Variants in TOX observed in about 807,000 individuals in gnomAD.
TOX encodes thymocyte selection associated high mobility group box.
In TOX, 11 loss-of-function variants were observed where a neutral mutation model predicts 53.7. The ratio of observed to expected loss-of-function variants is 0.20; its 90% confidence interval spans 0.13 to 0.34. The LOEUF (loss-of-function observed/expected upper bound fraction) is 0.34. TOX is among the 10% of genes least tolerant of loss of function. TOX has a pLI of 1.00. For synonymous variants in TOX, 225 were observed against 245.3 expected (o/e 0.92, Z 0.77); for missense variants, 570 against 664.6 (o/e 0.86, Z 1.56).
chr8:59,080,854 A>AT, intron 1 of TOX, among the ~76,000 whole-genome samples: 1 of 152,306 alleles, frequency 6.6e-6, no homozygotes, highest in South Asian at 2.1e-4. Flanking sequence ...AACTGGGCCA[A>AT]TTAAACCTCT....
intron 1 of TOX, among the ~76,000 whole-genome samples, chr8:59,015,060 A>C (rs931255281): frequency 2.0e-5 from 3 of 152,336 alleles, no homozygotes; most frequent in African/African-American, 7.2e-5. Context: ...ATCTGAGAGG[A>C]TCAACCCCCT....
intron 1 of TOX, among the ~76,000 whole-genome samples, chr8:59,036,392 T>C (rs1814459063): frequency 6.6e-6 from 1 of 152,220 alleles, no homozygotes; most frequent in Non-Finnish European, 1.5e-5. Flanking sequence ...CTCTCATCCC[T>C]GCAACGGCCT....
At chr8:58,962,510 C>A (rs10957073) in intron 1 of TOX, among the ~76,000 whole-genome samples, 2 of 151,954 alleles carry the variant, frequency 1.3e-5, no homozygotes, top group Non-Finnish European at 2.9e-5. Flanking sequence ...GATGCAAACC[C>A]AGGACCCCTG....
At chr8:59,083,607 T>G (rs1423783895) in intron 1 of TOX, among the ~76,000 whole-genome samples, 1 of 152,164 alleles carries the variant, frequency 6.6e-6, no homozygotes, top group Non-Finnish European at 1.5e-5. Context: ...AAAAAAACAA[T>G]TGAACCCTGC....
At chr8:59,042,336 C>T (rs1274338067) in intron 1 of TOX, among the ~76,000 whole-genome samples, 3 of 152,124 alleles carry the variant, frequency 2.0e-5, no homozygotes, top group Non-Finnish European at 4.4e-5. Context: ...AGTCAGAACG[C>T]CATTTCAGAG....
intron 2 of TOX, among the ~76,000 whole-genome samples, chr8:58,947,496 A>T (rs1585917883): frequency 6.6e-6 from 1 of 152,350 alleles, no homozygotes; most frequent in East Asian, 1.9e-4. Flanking sequence ...ATAAACAAAG[A>T]TAAAAATGTT....
intron 3 of TOX, among the ~76,000 whole-genome samples, chr8:58,898,789 C>T (rs573499574): frequency 6.6e-6 from 1 of 152,268 alleles, no homozygotes; most frequent in Admixed American, 6.5e-5. Context: ...AGGAGGTCAA[C>T]CCCTTCTGTG....
intron 1 of TOX, among the ~76,000 whole-genome samples, chr8:59,020,919 C>A (rs1814114088): frequency 6.6e-6 from 1 of 151,718 alleles, no homozygotes; most frequent in Admixed American, 6.6e-5. Flanking sequence ...AGAGTTCCAG[C>A]CTGAGCAACA....
At chr8:58,953,066 A>T (rs1250913167) in intron 2 of TOX, among the ~76,000 whole-genome samples, 2 of 152,136 alleles carry the variant, frequency 1.3e-5, no homozygotes, top group East Asian at 3.9e-4. Context: ...TTAGGAATTC[A>T]TATTTTCATG....
chr8:59,039,530 C>A (rs1261600715), intron 1 of TOX, among the ~76,000 whole-genome samples: 1 of 152,158 alleles, frequency 6.6e-6, no homozygotes, highest in East Asian at 1.9e-4. Flanking sequence ...TTTCCCTATG[C>A]TCAATGCATT....
chr8:58,907,594 C>CA lies in TOX; in HGVS notation c.411+31707dup, dbSNP rs368433881. On this transcript the variant is annotated intron_variant, in intron 3 of 8. Coordinates refer to ENST00000361421, the MANE Select transcript of TOX (RefSeq NM_014729.3). Reference sequence around the variant, plus strand: ...TGTGCGACAGAGGAAGAGCCTGTCTCAAAAAAAAAAGTGAATTAGCTTAAA... The same window carrying CA: ...TGTGCGACAGAGGAAGAGCCTGTCTCAAAAAAAAAAAGTGAATTAGCTTAAA... Among the ~76,000 whole-genome samples, 573 of 146,096 alleles carry CA rather than the reference C, an allele frequency of 3.9e-3. 2 individuals are homozygous for CA. The highest frequency in any genetic ancestry group is 9.7e-3 in the African/African-American group (387 of 39,838).
intron 1 of TOX, among the ~76,000 whole-genome samples, chr8:59,071,675 C>CTAAAGGTAAACATAGGTTCATAGG (rs1563437157): frequency 6.6e-6 from 1 of 152,092 alleles, no homozygotes; most frequent in Admixed American, 6.5e-5. Flanking sequence ...GAAAGGAAGC[C>CTAAAGGTAAACATAGGTTCATAGG]TAAACAATTT....
rs73684664 is a variant in TOX, at chr8:58,807,809, C to T, written c.1545-26G>A. ...CTGTAGGAAGAGAAAAAAGACAGTT[C>T]CTTGTTACAGGACAACCTGTGCTAC... On this transcript the variant is annotated intron_variant, in intron 8 of 8. Transcript: ENST00000361421. The T allele has an allele frequency of 6.4e-4, 1,034 of 1,613,894 alleles. 10 individuals are homozygous for T. The African/African-American group carries it at 0.012, about 19-fold the overall frequency.
At chr8:58,846,280 C>A (rs757326860) in intron 4 of TOX, among the ~76,000 whole-genome samples, 1 of 151,998 alleles carries the variant, frequency 6.6e-6, no homozygotes, top group Non-Finnish European at 1.5e-5. Flanking sequence ...TGATCTAATA[C>A]ATACTTTAAA....
chr8:58,912,655 G>GC (rs1266645524), intron 3 of TOX, among the ~76,000 whole-genome samples: 1 of 152,160 alleles, frequency 6.6e-6, no homozygotes, highest in Non-Finnish European at 1.5e-5. Flanking sequence ...TGCTGATGCT[G>GC]CCCCTCTGTG....
chr8:59,035,980 A>T (rs1356341146), intron 1 of TOX, among the ~76,000 whole-genome samples: 1 of 152,078 alleles, frequency 6.6e-6, no homozygotes, highest in African/African-American at 2.4e-5. Flanking sequence ...AAGTCATGTA[A>T]CTCCCCTTGA....
chr8:58,827,006 T>C, intron 5 of TOX, 104 bp from the exon 6 acceptor site: 1 of 593,054 alleles, frequency 1.7e-6, no homozygotes, highest in Non-Finnish European at 2.5e-6. Flanking sequence ...CACTTATAGT[T>C]ATATAATATA....
chr8:58,974,425 A>G (rs762120160), intron 1 of TOX, among the ~76,000 whole-genome samples: 1 of 152,232 alleles, frequency 6.6e-6, no homozygotes, highest in Non-Finnish European at 1.5e-5. Context: ...AAGACAGCTC[A>G]AATTCTAAAT....
chr8:58,853,785 C>T (rs1410036625), intron 3 of TOX, among the ~76,000 whole-genome samples: 2 of 152,158 alleles, frequency 1.3e-5, no homozygotes, highest in Non-Finnish European at 2.9e-5. Flanking sequence ...CTTAGATGTA[C>T]ATGTAACTTC....
Sources: gnomAD v4.1 joint callset for allele counts (sites outside exome capture counted in the v4.1 genomes callset) on GRCh38, gnomAD v4.1.1 for gene constraint, MANE v1.5 for transcripts, NCBI Gene and HGNC (gene_info 2026-07-23, HGNC 2026-07-21) for gene names.